KCNT2: variants seen among roughly 807,000 people sequenced by gnomAD.
KCNT2 encodes potassium channel subfamily T member 2.
In KCNT2, 67 loss-of-function variants were observed where a neutral mutation model predicts 153.8. That is an observed-to-expected ratio of 0.44 (90% CI 0.36 to 0.53). KCNT2 has a LOEUF of 0.53. Ranked by LOEUF, KCNT2 falls within the 20% of genes least tolerant of loss-of-function variation. The probability of loss-of-function intolerance (pLI) is 0.00; values close to 1 mark genes in which losing one functional copy is unlikely to be tolerated. For synonymous variants in KCNT2, 500 were observed against 458.8 expected, an observed-to-expected ratio of 1.09 and a Z score of -1.15; for missense variants, 975 against 1,354.8, an observed-to-expected ratio of 0.72 and a Z score of 4.40.
At chr1:196,605,352 C>T (rs1024852383) in intron 1 of KCNT2, among the ~76,000 whole-genome samples, 6 of 152,124 alleles carry the variant, frequency 3.9e-5, no homozygotes, top group African/African-American at 1.2e-4. Flanking sequence ...GTTATCACTG[C>T]GGGCAAGTGG....
At chr1:196,468,030 G>T (rs1323668679) in intron 6 of KCNT2, among the ~76,000 whole-genome samples, 1 of 152,032 alleles carries the variant, frequency 6.6e-6, no homozygotes, top group African/African-American at 2.4e-5. Flanking sequence ...TCACCAGATG[G>T]CAGATATCTA....
At chr1:196,427,338 C>T (rs1673744188) in intron 10 of KCNT2, among the ~76,000 whole-genome samples, 1 of 151,894 alleles carries the variant, frequency 6.6e-6, no homozygotes, top group Non-Finnish European at 1.5e-5. Flanking sequence ...ATTCACAAAT[C>T]AATATTTCTA....
intron 1 of KCNT2, among the ~76,000 whole-genome samples, chr1:196,521,645 G>A (rs1305181702): frequency 6.6e-6 from 1 of 152,144 alleles, no homozygotes; most frequent in Non-Finnish European, 1.5e-5. Flanking sequence ...GATGTCCTTT[G>A]GAGGAACATG....
At chr1:196,506,937 C>G (rs1170246660) in intron 1 of KCNT2, among the ~76,000 whole-genome samples, 1 of 152,034 alleles carries the variant, frequency 6.6e-6, no homozygotes, top group East Asian at 1.9e-4. Flanking sequence ...ATAATATTCA[C>G]CATTTAATCA....
chr1:196,340,614 T>C, intron 15 of KCNT2, 44 bp from the exon 16 acceptor site: 1 of 1,176,062 alleles, frequency 8.5e-7, no homozygotes, highest in East Asian at 2.4e-5. Context: ...ATTAGTAAAT[T>C]ATTGTAAGGC....
At chr1:196,423,947 C>A (rs956339300) in intron 11 of KCNT2, among the ~76,000 whole-genome samples, 1 of 151,844 alleles carries the variant, frequency 6.6e-6, no homozygotes, top group Non-Finnish European at 1.5e-5. Context: ...ATGCTCTATG[C>A]ATGAGGAATT....
intron 22 of KCNT2, among the ~76,000 whole-genome samples, chr1:196,303,974 T>G (rs1191379593): frequency 6.6e-6 from 1 of 152,160 alleles, no homozygotes; most frequent in Non-Finnish European, 1.5e-5. Flanking sequence ...CGTGGCATAG[T>G]GGAAATTTTC....
chr1:196,387,697 C>T (rs1441175026), intron 13 of KCNT2, among the ~76,000 whole-genome samples: 2 of 151,868 alleles, frequency 1.3e-5, no homozygotes, highest in Non-Finnish European at 2.9e-5. Flanking sequence ...GCTTAATGGT[C>T]ATTGGTATAT....
intron 12 of KCNT2, chr1:196,404,061 TG>T: frequency 2.0e-6 from 1 of 497,228 alleles, no homozygotes; most frequent in Non-Finnish European, 2.6e-6. Context: ...ATCTTGCTAC[TG>T]GTAGTCCTCC....
chr1:196,550,116 C>A (rs1657695648), intron 1 of KCNT2, among the ~76,000 whole-genome samples: 1 of 151,842 alleles, frequency 6.6e-6, no homozygotes, highest in Non-Finnish European at 1.5e-5. Flanking sequence ...TTTTTTGATA[C>A]CTTACATTTT....
At chr1:196,441,124 A>G (rs541768268) in intron 8 of KCNT2, among the ~76,000 whole-genome samples, 2 of 152,038 alleles carry the variant, frequency 1.3e-5, no homozygotes, top group South Asian at 2.1e-4. Flanking sequence ...ACTCATTAAA[A>G]AAATTGACAT....
At chr1:196,287,190 A>G (rs1659747870) in intron 22 of KCNT2, among the ~76,000 whole-genome samples, 1 of 152,050 alleles carries the variant, frequency 6.6e-6, no homozygotes. Context: ...ATATTCTCTA[A>G]TTTATAAACC....
chr1:196,283,069 C>G (rs1490326317), intron 23 of KCNT2, among the ~76,000 whole-genome samples: 1 of 152,202 alleles, frequency 6.6e-6, no homozygotes, highest in Non-Finnish European at 1.5e-5. Context: ...GTCTAGAACT[C>G]CTGGCCTCAA....
intron 22 of KCNT2, among the ~76,000 whole-genome samples, chr1:196,291,034 TC>T (rs1229806997): frequency 8.5e-5 from 13 of 152,050 alleles, no homozygotes; most frequent in African/African-American, 3.1e-4. Context: ...TTTCAGTACT[TC>T]CCAGCAGACT....
At chr1:196,494,961 G>A (rs996479889) in intron 1 of KCNT2, among the ~76,000 whole-genome samples, 2 of 151,438 alleles carry the variant, frequency 1.3e-5, no homozygotes, top group Non-Finnish European at 2.9e-5. Flanking sequence ...ACAACAGCAT[G>A]CGAGCCACTG....
intron 10 of KCNT2, among the ~76,000 whole-genome samples, chr1:196,426,394 G>A (rs938183170): frequency 1.2e-4 from 19 of 152,012 alleles, no homozygotes; most frequent in African/African-American, 4.6e-4. Flanking sequence ...TCAAAATTGT[G>A]ATAGCGATTT....
rs1361892978 is a variant in KCNT2 at position 196,227,686 on chromosome 1, A to G, written c.*538T>C. On this transcript the variant is annotated 3_prime_UTR_variant, in exon 28 of 28. Coordinates refer to ENST00000294725, the MANE Select transcript of KCNT2 (RefSeq NM_198503.5). ...CAGAAAAAAAAGTTAAAATGACTTAAAGATTTGTATTCTAAAGCAAACTAT... is the reference window on the plus strand; with the variant it reads ...CAGAAAAAAAAGTTAAAATGACTTAGAGATTTGTATTCTAAAGCAAACTAT... 6.6e-6 allele frequency: 1 copy of G among 152,552 alleles called. No individual in the cohort carries two copies. The highest frequency in any genetic ancestry group is 2.4e-5 in the African/African-American group (1 of 41,456). 9.4% of individuals were successfully genotyped at this position (152,552 alleles called of 1,614,324 possible). A position where few individuals can be genotyped will look rare whatever the true frequency, so the allele number is the denominator to read the frequency against.
At chr1:196,400,442 T>G (rs1250958813) in intron 12 of KCNT2, among the ~76,000 whole-genome samples, 1 of 151,802 alleles carries the variant, frequency 6.6e-6, no homozygotes, top group African/African-American at 2.4e-5. Flanking sequence ...ACAAGTTAAA[T>G]TTCCTCATTA....
chr1:196,443,216 T>C (rs186442906), intron 8 of KCNT2, among the ~76,000 whole-genome samples: 12 of 151,778 alleles, frequency 7.9e-5, no homozygotes, highest in Admixed American at 4.0e-4. Flanking sequence ...TTTGGACATA[T>C]TTAGTTTGAG....
Sources: allele counts gnomAD v4.1 joint callset (sites outside exome capture counted in the v4.1 genomes callset), GRCh38; gene constraint gnomAD v4.1.1; transcripts MANE v1.5; gene names NCBI Gene and HGNC (gene_info 2026-07-23, HGNC 2026-07-21).